The following CADM2 variants were observed in gnomAD, a reference collection of about 807,000 sequenced individuals.
The protein encoded by CADM2 is cell adhesion molecule 2.
Under a neutral mutation model 49.8 loss-of-function variants are expected in CADM2, and 12 were observed. The ratio of observed to expected loss-of-function variants is 0.24; its 90% CI spans 0.15 to 0.39. The LOEUF (loss-of-function observed/expected upper bound fraction) is 0.39. CADM2 is among the 10% of genes least tolerant of loss of function. CADM2 has a pLI of 1.00. For synonymous variants in CADM2, 214 were observed against 175.4 expected (o/e 1.22, Z -1.74); for missense variants, 378 against 492.3 (o/e 0.77, Z 2.20).
At chr3:85,566,955 C>A (rs747621625) in intron 1 of CADM2, among the ~76,000 whole-genome samples, 1 of 152,106 alleles carries the variant, frequency 6.6e-6, no homozygotes, top group Non-Finnish European at 1.5e-5. Flanking sequence ...CTCTATTTTT[C>A]TCTTTAAATT....
At chr3:85,826,693 C>T (rs2073929658) in intron 3 of CADM2, among the ~76,000 whole-genome samples, 2 of 151,916 alleles carry the variant, frequency 1.3e-5, no homozygotes, top group African/African-American at 4.8e-5. Context: ...GGAAGATTTA[C>T]AACCATATTG....
intron 1 of CADM2, among the ~76,000 whole-genome samples, chr3:85,352,633 A>G (rs1348243147): frequency 1.3e-5 from 2 of 152,076 alleles, no homozygotes; most frequent in East Asian, 3.9e-4. Context: ...GGAAGATGAT[A>G]TATACACTTA....
At chr3:85,789,175 A>G (rs2071181302) in intron 2 of CADM2, among the ~76,000 whole-genome samples, 1 of 152,078 alleles carries the variant, frequency 6.6e-6, no homozygotes, top group Admixed American at 6.6e-5. Flanking sequence ...GAGTCCTACC[A>G]TCTGTGTGTT....
At chr3:85,307,040 A>C (rs1420157808) in intron 1 of CADM2, among the ~76,000 whole-genome samples, 2 of 151,554 alleles carry the variant, frequency 1.3e-5, no homozygotes, top group East Asian at 1.9e-4. Context: ...TGGATGCATT[A>C]TTGTGTGCGT....
chr3:85,431,492 C>T (rs936097093), intron 1 of CADM2, among the ~76,000 whole-genome samples: 3 of 152,020 alleles, frequency 2.0e-5, no homozygotes, highest in African/African-American at 7.2e-5. Flanking sequence ...GAACATATAT[C>T]ACAAGATTGG....
chr3:85,106,025 CA>C (rs904810998), intron 1 of CADM2, among the ~76,000 whole-genome samples: 30 of 151,956 alleles, frequency 2.0e-4, no homozygotes, highest in African/African-American at 6.8e-4. Context: ...AGCACACCAG[CA>C]TGGCACATGT....
rs564871114 is a variant in CADM2 at position 85,933,549 on chromosome 3, T to C, written c.701-2218T>C. Reference sequence around the variant, plus strand: ...ACCATGTTAGGGTTCTCCGGAGACATGGAGCCAATAGGCTGTACATACATA... The same window carrying C: ...ACCATGTTAGGGTTCTCCGGAGACACGGAGCCAATAGGCTGTACATACATA... On this transcript the variant is annotated intron_variant, in intron 6 of 9. Transcript: ENST00000383699. Among the ~76,000 whole-genome samples the C allele has an allele frequency of 3.9e-5, 6 of 152,218 alleles. No homozygotes were observed. The South Asian group carries it at 1.2e-3, about 32-fold the overall frequency.
rs766166751 is a variant in CADM2 at position 85,288,760 on chromosome 3, G to A, written c.61+329092G>A. On this transcript the variant is annotated intron_variant, in intron 1 of 9. Transcript: ENST00000383699. The stretch of plus-strand genomic sequence containing the variant: ...CTCAATTAGAGGCAGTTTTATTTCC[G>A]CCAGTATTCTGCTTTACCAATATGC... Among the ~76,000 whole-genome samples, 11 of 136,448 alleles carry A rather than the reference G, an allele frequency of 8.1e-5. No individual in the cohort carries two copies. The East Asian group carries it at 1.1e-3, about 13-fold the overall frequency. The allele number at this position is 136,448 out of a possible 152,430, so 89.5% of individuals were successfully genotyped here. A position where few individuals can be genotyped will look rare whatever the true frequency, so the allele number is the denominator to read the frequency against.
chr3:85,779,025 G>C (rs898199815), intron 2 of CADM2, among the ~76,000 whole-genome samples: 1 of 152,156 alleles, frequency 6.6e-6, no homozygotes, highest in African/African-American at 2.4e-5. Context: ...GACTTGATTA[G>C]ATTTAATTGA....
chr3:85,653,730 T>C (rs1450781624), intron 1 of CADM2, among the ~76,000 whole-genome samples: 1 of 152,142 alleles, frequency 6.6e-6, no homozygotes, highest in African/African-American at 2.4e-5. Flanking sequence ...TATGGGCGTA[T>C]ACGGCATCAC....
At chr3:85,834,059 C>T (rs2108239636) in intron 3 of CADM2, among the ~76,000 whole-genome samples, 1 of 151,490 alleles carries the variant, frequency 6.6e-6, no homozygotes, top group African/African-American at 2.4e-5. Flanking sequence ...GATTTAAGTG[C>T]CAACCATCTA....
chr3:85,091,232 C>T (rs2037585559), intron 1 of CADM2, among the ~76,000 whole-genome samples: 1 of 151,696 alleles, frequency 6.6e-6, no homozygotes, highest in Non-Finnish European at 1.5e-5. Context: ...GAGAATGGCA[C>T]TATGAATATT....
At chr3:85,645,672 G>A (rs1483702791) in intron 1 of CADM2, among the ~76,000 whole-genome samples, 2 of 151,782 alleles carry the variant, frequency 1.3e-5, no homozygotes, top group Admixed American at 6.6e-5. Flanking sequence ...ATAATGAAAT[G>A]TTTGTTGAAA....
chr3:85,094,772 A>G (rs1380987069), intron 1 of CADM2, among the ~76,000 whole-genome samples: 2 of 152,218 alleles, frequency 1.3e-5, no homozygotes, highest in African/African-American at 4.8e-5. Context: ...ATACGTTTAA[A>G]TGATAACACT....
intron 1 of CADM2, among the ~76,000 whole-genome samples, chr3:85,538,560 A>T (rs17516857): frequency 6.6e-6 from 1 of 151,914 alleles, no homozygotes; most frequent in Non-Finnish European, 1.5e-5. Flanking sequence ...ATTACTGAGA[A>T]GTTTGAGATG....
At chr3:85,421,645 A>T (rs2036177199) in intron 1 of CADM2, among the ~76,000 whole-genome samples, 1 of 152,214 alleles carries the variant, frequency 6.6e-6, no homozygotes, top group Admixed American at 6.5e-5. Flanking sequence ...CAGAATTTAC[A>T]ATTCAGCACA....
At chr3:85,189,226 C>T (rs1014124894) in intron 1 of CADM2, among the ~76,000 whole-genome samples, 2 of 151,770 alleles carry the variant, frequency 1.3e-5, no homozygotes, top group African/African-American at 4.8e-5. Context: ...ATATTTCATG[C>T]TTTTGATTTC....
At chr3:86,046,331 T>C (rs1329380883) in intron 8 of CADM2, among the ~76,000 whole-genome samples, 2 of 152,236 alleles carry the variant, frequency 1.3e-5, no homozygotes, top group Non-Finnish European at 2.9e-5. Flanking sequence ...AGTATCTATA[T>C]ATGCCATTTT....
chr3:85,528,119 A>G (rs4856583), intron 1 of CADM2, among the ~76,000 whole-genome samples: 78,243 of 151,928 alleles, frequency 0.52, 23,129 homozygotes, highest in East Asian at 0.85. Flanking sequence ...TTTCCCACTA[A>G]CCAAGCTCTC....
Sources: gnomAD v4.1 joint callset for allele counts (sites outside exome capture counted in the v4.1 genomes callset) on GRCh38, gnomAD v4.1.1 for gene constraint, MANE v1.5 for transcripts, NCBI Gene and HGNC (gene_info 2026-07-23, HGNC 2026-07-21) for gene names.